The following DNAJC15 variants were observed in gnomAD, a reference collection of about 807,000 sequenced individuals.
DNAJC15 encodes DnaJ heat shock protein family (Hsp40) member C15.
DNAJC15 carries 27 observed loss-of-function variants against 22.4 expected under a neutral mutation model. That is an observed-to-expected ratio of 1.20 (90% CI 0.89 to 1.66). The LOEUF is 1.66. Among genes scored for constraint, DNAJC15 ranks in the 40% most tolerant of loss-of-function variants. The pLI is 0.00. For missense variants in DNAJC15, 208 were observed against 187.1 expected (o/e 1.11, Z -0.65); for synonymous variants, 79 against 63.2 (o/e 1.25, Z -1.19).
intron 1 of DNAJC15, among the ~76,000 whole-genome samples, chr13:43,062,874 A>G (rs375007281): frequency 2.0e-5 from 3 of 151,872 alleles, no homozygotes; most frequent in South Asian, 2.1e-4. Flanking sequence ...GCCCACCACC[A>G]TGCCCGGCTA....
intron 5 of DNAJC15, among the ~76,000 whole-genome samples, chr13:43,103,816 CTTA>C (rs1176881969): frequency 6.6e-6 from 1 of 152,050 alleles, no homozygotes; most frequent in African/African-American, 2.4e-5. Context: ...TTGAGGCTAT[CTTA>C]TTAGGTATAT....
chr13:43,102,269 A>T (rs1399731823), intron 5 of DNAJC15, among the ~76,000 whole-genome samples: 2 of 151,534 alleles, frequency 1.3e-5, no homozygotes, highest in African/African-American at 4.9e-5. Context: ...CCACTTTTTG[A>T]TGGGATTATT....
At chr13:43,043,373 T>G (rs570343518) in intron 1 of DNAJC15, among the ~76,000 whole-genome samples, 3 of 152,318 alleles carry the variant, frequency 2.0e-5, no homozygotes, top group African/African-American at 7.2e-5. Context: ...TCTCCCAAAG[T>G]GCTGGGATTA....
intron 1 of DNAJC15, among the ~76,000 whole-genome samples, chr13:43,030,722 A>G (rs779740565): frequency 9.9e-5 from 15 of 152,224 alleles, no homozygotes; most frequent in Non-Finnish European, 8.8e-5. Flanking sequence ...CTAAACCTAG[A>G]CTCTCAGACT....
Position 43,113,232 on chromosome 13 carries a change from G to A in DNAJC15, c.*5984G>A, listed in dbSNP as rs1434474091. On this transcript the variant is annotated 3_prime_UTR_variant, in exon 6 of 6. Transcript: ENST00000379221. The stretch of plus-strand genomic sequence containing the variant: ...TATTAAAGATGAAAACAAGAAAACC[G>A]AATATATTGAAAGGAGCAGAGAGGC... 3 of 152,278 alleles carry A rather than the reference G, an allele frequency of 2.0e-5. No individual in the cohort carries two copies. The highest frequency in any genetic ancestry group is 4.4e-5 in the Non-Finnish European group (3 of 68,024). The allele number at this position is 152,278 out of a possible 1,614,324, so 9.4% of individuals were successfully genotyped here.
At chr13:43,059,717 G>A (rs2040548906) in intron 1 of DNAJC15, among the ~76,000 whole-genome samples, 1 of 152,252 alleles carries the variant, frequency 6.6e-6, no homozygotes, top group Non-Finnish European at 1.5e-5. Flanking sequence ...GGCTTTGTGT[G>A]AGCAACATGG....
At chr13:43,072,571 TCA>T (rs941902541) in intron 3 of DNAJC15, among the ~76,000 whole-genome samples, 4 of 151,812 alleles carry the variant, frequency 2.6e-5, no homozygotes, top group Non-Finnish European at 5.9e-5. Flanking sequence ...ACCGAATTCT[TCA>T]CATCAGCATT....
In DNAJC15 at chr13:43,060,216, G is replaced by A. The variant is rs79471296; in HGVS notation, c.109-5470G>A. ...TGGGCGATGTTTCTCAGGGCTATTCGAGCGGGATTAGGGGCGGCGTGGGAA... is the reference window on the plus strand; with the variant it reads ...TGGGCGATGTTTCTCAGGGCTATTCAAGCGGGATTAGGGGCGGCGTGGGAA... On this transcript the variant is annotated intron_variant, in intron 1 of 5. Transcript: ENST00000379221. 7.9e-4 allele frequency among the ~76,000 whole-genome samples: 120 copies of A among 152,220 alleles called. 1 individual carries two copies. The East Asian group carries it at 0.021, about 27-fold the overall frequency.
chr13:43,072,917 CA>C (rs1051579030), intron 3 of DNAJC15, among the ~76,000 whole-genome samples: 2 of 152,158 alleles, frequency 1.3e-5, no homozygotes, highest in African/African-American at 4.8e-5. Context: ...TTTTTTCTGG[CA>C]ACCCATTTTT....
chr13:43,039,516 G>T (rs369956912), intron 1 of DNAJC15, among the ~76,000 whole-genome samples: 9 of 152,090 alleles, frequency 5.9e-5, no homozygotes, highest in African/African-American at 2.2e-4. Context: ...GGAGTCTCAG[G>T]GGGTGGAGAC....
chr13:43,025,294 G>A (rs547635429), intron 1 of DNAJC15, among the ~76,000 whole-genome samples: 2 of 152,310 alleles, frequency 1.3e-5, no homozygotes, highest in South Asian at 2.1e-4. Flanking sequence ...CCGAGTATCA[G>A]GCTTTCAAGG....
At chr13:43,093,441 T>C (rs924200753) in intron 5 of DNAJC15, among the ~76,000 whole-genome samples, 1 of 152,170 alleles carries the variant, frequency 6.6e-6, no homozygotes, top group East Asian at 1.9e-4. Flanking sequence ...GACAGGGTCT[T>C]GTTCCATTGC....
At chr13:43,053,136 C>T (rs1203033117) in intron 1 of DNAJC15, among the ~76,000 whole-genome samples, 1 of 152,190 alleles carries the variant, frequency 6.6e-6, no homozygotes, top group Non-Finnish European at 1.5e-5. Flanking sequence ...CCAGTTATCT[C>T]AGCACCATTT....
intron 5 of DNAJC15, among the ~76,000 whole-genome samples, chr13:43,096,857 A>C (rs996066179): frequency 1.1e-4 from 17 of 152,196 alleles, no homozygotes; most frequent in Non-Finnish European, 2.2e-4. Context: ...ACCTTCTTAG[A>C]TCCTTGAGTC....
In DNAJC15 at chr13:43,108,533, A is replaced by G. The variant is rs905143293; in HGVS notation, c.*1285A>G. ...AACTACTGCATTGTTTCTATCTTAA[A>G]ATACTTTTTAGATATCCTAGATGCA... On this transcript the variant is annotated 3_prime_UTR_variant, in exon 6 of 6. Transcript: ENST00000379221. The G allele has an allele frequency of 6.6e-6, 1 of 152,180 alleles. No homozygotes were observed. The highest frequency in any genetic ancestry group is 1.5e-5 in the Non-Finnish European group (1 of 68,022). 9.4% of individuals were successfully genotyped at this position (152,180 alleles called of 1,614,324 possible). A position where few individuals can be genotyped will look rare whatever the true frequency, so the allele number is the denominator to read the frequency against.
intron 1 of DNAJC15, among the ~76,000 whole-genome samples, chr13:43,061,917 T>TC (rs1210408992): frequency 6.6e-6 from 1 of 152,226 alleles, no homozygotes; most frequent in Admixed American, 6.5e-5. Context: ...CCTGTCATGT[T>TC]CAAGTTTCTA....
At position 43,068,921 on chromosome 13, in the gene DNAJC15, A is replaced by G. The variant is rs1249215952; in HGVS notation, c.161-9A>G. 1.2e-6 allele frequency: 2 copies of G among 1,609,120 alleles called. No homozygotes were observed. The highest frequency in any genetic ancestry group is 1.3e-5 in the African/African-American group (1 of 74,766). ...AAATACATTTGCTTTTATTCCCTTT[A>G]CTATTTAGGTCGCTACGCATTTCGG... On this transcript the variant is annotated splice_polypyrimidine_tract_variant and intron_variant, in intron 2 of 5. Coordinates refer to ENST00000379221, the MANE Select transcript of DNAJC15 (RefSeq NM_013238.3).
rs146801733 is a variant in DNAJC15, at chr13:43,031,176, A to G, written c.108+7442A>G. 1.5e-3 allele frequency among the ~76,000 whole-genome samples: 230 copies of G among 152,364 alleles called. 3 individuals carry two copies. The Middle Eastern group carries it at 0.017, about 11-fold the overall frequency. ...CTTGCTTTTCTAAAGGAGGCAGATC[A>G]TTGGAATAAACCATTATTACCAGAT... On this transcript the variant is annotated intron_variant, in intron 1 of 5. Transcript: ENST00000379221.
At chr13:43,039,729 A>C (rs2040444496) in intron 1 of DNAJC15, among the ~76,000 whole-genome samples, 1 of 152,194 alleles carries the variant, frequency 6.6e-6, no homozygotes, top group African/African-American at 2.4e-5. Flanking sequence ...GAAAGAGATA[A>C]ATTTGGCTGG....
Sources: gnomAD v4.1 joint callset for allele counts (sites outside exome capture counted in the v4.1 genomes callset) on GRCh38, gnomAD v4.1.1 for gene constraint, MANE v1.5 for transcripts, NCBI Gene and HGNC (gene_info 2026-07-23, HGNC 2026-07-21) for gene names.